TBC1D15: variants seen among roughly 807,000 people sequenced by gnomAD.
TBC1D15 encodes the protein GAP for RAB7.
A neutral mutation model predicts 95.4 loss-of-function variants in TBC1D15; 39 were observed. The observed-to-expected ratio is 0.41, with a 90% confidence interval of 0.32 to 0.53. TBC1D15 has a LOEUF of 0.53. Ranked by LOEUF, TBC1D15 falls within the 20% of genes least tolerant of loss-of-function variation. TBC1D15 has a pLI of 0.29. For synonymous variants in TBC1D15, 258 were observed against 261.3 expected, an observed-to-expected ratio of 0.99 and a Z score of 0.12; for missense variants, 733 against 794.3, an observed-to-expected ratio of 0.92 and a Z score of 0.93.
intron 1 of TBC1D15, among the ~76,000 whole-genome samples, chr12:71,853,611 G>A (rs1038606123): frequency 2.0e-5 from 3 of 152,140 alleles, no homozygotes; most frequent in African/African-American, 7.2e-5. Flanking sequence ...GCATGCCTTA[G>A]TGGTAAATTT....
chr12:71,913,558 C>T, intron 11 of TBC1D15: 2 of 290,650 alleles, frequency 6.9e-6, no homozygotes, highest in Non-Finnish European at 1.3e-5. Flanking sequence ...AAATATTACC[C>T]ACTCTTGATA....
intron 6 of TBC1D15, 73 bp downstream of exon 6, chr12:71,893,397 A>ATTTTGCATACTCTCT: frequency 1.0e-6 from 1 of 1,001,802 alleles, no homozygotes; most frequent in Non-Finnish European, 1.5e-6. Context: ...TCATCTTCTC[A>ATTTTGCATACTCTCT]GAGAGTATGC....
intron 10 of TBC1D15, among the ~76,000 whole-genome samples, chr12:71,904,637 T>A (rs1295129210): frequency 6.6e-6 from 1 of 152,104 alleles, no homozygotes; most frequent in Non-Finnish European, 1.5e-5. Flanking sequence ...GGGTTGGTCT[T>A]TGCCACAGAG....
chr12:71,909,177 G>C (rs1272151106), intron 11 of TBC1D15, among the ~76,000 whole-genome samples: 1 of 152,156 alleles, frequency 6.6e-6, no homozygotes, highest in African/African-American at 2.4e-5. Flanking sequence ...AGACATTTCA[G>C]TTACCTGAAA....
chr12:71,864,381 G>A lies in TBC1D15; in HGVS notation c.31-7689G>A, dbSNP rs145029801. ...CTGCACCCGGCTGCTTTTTGTTTTC[G>A]TTTCATGTGTGCCTCCATTGATGTC... is the stretch of plus-strand genomic sequence containing the variant. On this transcript the variant is annotated intron_variant, in intron 1 of 16. Transcript: ENST00000485960. Among the ~76,000 whole-genome samples the A allele has an allele frequency of 2.0e-3, 296 of 151,668 alleles. 2 individuals are homozygous for A. In the East Asian group the frequency reaches 0.026, roughly 13 times the overall value.
intron 1 of TBC1D15, among the ~76,000 whole-genome samples, chr12:71,853,327 A>G (rs1888295887): frequency 6.6e-6 from 1 of 152,082 alleles, no homozygotes; most frequent in Non-Finnish European, 1.5e-5. Context: ...CCATAATTCC[A>G]TTACCTCCCA....
chr12:71,898,812 A>G (rs1393769507), intron 10 of TBC1D15, among the ~76,000 whole-genome samples: 1 of 152,184 alleles, frequency 6.6e-6, no homozygotes, highest in Non-Finnish European at 1.5e-5. Flanking sequence ...TAGAAAGCCC[A>G]ACGTAACAGG....
chr12:71,839,886 G>T, intron 1 of TBC1D15, 75 bp downstream of exon 1: 1 of 1,581,062 alleles, frequency 6.3e-7, no homozygotes, highest in Non-Finnish European at 8.7e-7. Flanking sequence ...CAGCTGGTTG[G>T]GGGAGGGACA....
chr12:71,857,819 A>G (rs1186183409), intron 1 of TBC1D15, among the ~76,000 whole-genome samples: 1 of 152,196 alleles, frequency 6.6e-6, no homozygotes, highest in African/African-American at 2.4e-5. Context: ...TTTAGTATTC[A>G]TTAACCAACC....
At chr12:71,890,620 A>G (rs1272411981) in intron 5 of TBC1D15, among the ~76,000 whole-genome samples, 4 of 152,130 alleles carry the variant, frequency 2.6e-5, no homozygotes, top group East Asian at 3.8e-4. Context: ...GGAATGGGCA[A>G]CCTAGATGGC....
At chr12:71,888,043 T>C (rs1157116131) in intron 5 of TBC1D15, among the ~76,000 whole-genome samples, 1 of 152,232 alleles carries the variant, frequency 6.6e-6, no homozygotes, top group Admixed American at 6.5e-5. Flanking sequence ...TTTCCTATCC[T>C]GGATGGGTTC....
chr12:71,914,401 A>G (rs1039941643), intron 12 of TBC1D15, among the ~76,000 whole-genome samples: 1 of 151,998 alleles, frequency 6.6e-6, no homozygotes, highest in Non-Finnish European at 1.5e-5. Flanking sequence ...TTAGGAATTC[A>G]TTGTTATTTT....
chr12:71,885,411 A>T (rs1261774431), intron 5 of TBC1D15, among the ~76,000 whole-genome samples: 1 of 152,174 alleles, frequency 6.6e-6, no homozygotes. Context: ...TAAGTCCTTT[A>T]TAAAATTATT....
At chr12:71,849,034 A>G (rs1327878871) in intron 1 of TBC1D15, among the ~76,000 whole-genome samples, 1 of 152,160 alleles carries the variant, frequency 6.6e-6, no homozygotes, top group African/African-American at 2.4e-5. Flanking sequence ...TTTAACTCAG[A>G]ATTCTGGAAA....
At chr12:71,861,592 T>C in intron 1 of TBC1D15, 5 of 1,180,966 alleles carry the variant, frequency 4.2e-6, no homozygotes, top group Non-Finnish European at 5.6e-6. Flanking sequence ...TTCACTTTTT[T>C]TCTTGGTTTG....
intron 12 of TBC1D15, among the ~76,000 whole-genome samples, chr12:71,914,523 G>A (rs550742591): frequency 6.6e-6 from 1 of 152,060 alleles, no homozygotes; most frequent in South Asian, 2.1e-4. Context: ...TAGGATAATA[G>A]TGCAGAGAAT....
At chr12:71,885,704 AG>A in intron 5 of TBC1D15, among the ~76,000 whole-genome samples, 1 of 152,126 alleles carries the variant, frequency 6.6e-6, no homozygotes. Flanking sequence ...CCGCTTTGGG[AG>A]TTCCTGGGAA....
In TBC1D15 at chr12:71,918,534, C is replaced by G; in HGVS notation, c.1585C>G (p.Leu529Val). The G allele has an allele frequency of 1.9e-6, 3 of 1,593,866 alleles. No individual in the cohort carries two copies. The highest frequency in any genetic ancestry group is 2.6e-6 in the Non-Finnish European group (3 of 1,167,902). The change falls in exon 14 of 17, where the codon CTT becomes GTT. Residue 529 changes from leucine (L) to valine (V), a missense_variant. Transcript: ENST00000485960. ...FKREFSFLDI[L>V]RLWEVMWTEL... is the part of the protein sequence containing the mutation. Reference sequence around the variant, plus strand: ...AAGGGAATTTAGTTTTCTAGATATTCTTCGATTATGGGAGGTAAGTCCTTA... The same window carrying G: ...AAGGGAATTTAGTTTTCTAGATATTGTTCGATTATGGGAGGTAAGTCCTTA...
At chr12:71,841,848 CATAATA>C (rs906169628) in intron 1 of TBC1D15, among the ~76,000 whole-genome samples, 1 of 151,782 alleles carries the variant, frequency 6.6e-6, no homozygotes, top group Non-Finnish European at 1.5e-5. Context: ...TTATCGTCAG[CATAATA>C]ATAATAATAA....
Sources: allele counts gnomAD v4.1 joint callset (sites outside exome capture counted in the v4.1 genomes callset), GRCh38; gene constraint gnomAD v4.1.1; transcripts MANE v1.5; gene names NCBI Gene and HGNC (gene_info 2026-07-23, HGNC 2026-07-21).